Variants in DGKB observed in about 807,000 individuals in gnomAD.
DGKB encodes 90 kDa diacylglycerol kinase.
Under a neutral mutation model 114.3 loss-of-function variants are expected in DGKB, and 67 were observed. The observed-to-expected ratio is 0.59, with a 90% CI of 0.48 to 0.72. The LOEUF is 0.72. Ranked by LOEUF, DGKB falls within the 30% of genes least tolerant of loss-of-function variation. The probability of loss-of-function intolerance (pLI) is 0.00; values close to 1 mark genes in which losing one functional copy is unlikely to be tolerated. For synonymous variants in DGKB, 398 were observed against 323.1 expected, an observed-to-expected ratio of 1.23 and a Z score of -2.49; for missense variants, 907 against 975.2, an observed-to-expected ratio of 0.93 and a Z score of 0.93.
At chr7:14,640,983 A>C (rs1811665444) in intron 13 of DGKB, among the ~76,000 whole-genome samples, 1 of 152,174 alleles carries the variant, frequency 6.6e-6, no homozygotes, top group South Asian at 2.1e-4. Context: ...TATTAGCTCT[A>C]GATATATGCC....
At chr7:14,236,945 C>T (rs1191058928) in intron 23 of DGKB, among the ~76,000 whole-genome samples, 1 of 151,632 alleles carries the variant, frequency 6.6e-6, no homozygotes, top group Admixed American at 6.6e-5. Context: ...GATGTTTATC[C>T]TCCACTTAAT....
intron 4 of DGKB, among the ~76,000 whole-genome samples, chr7:14,739,343 G>T (rs902600126): frequency 1.3e-5 from 2 of 152,090 alleles, no homozygotes; most frequent in Non-Finnish European, 2.9e-5. Context: ...TCAGACTAAG[G>T]GCTCACATGT....
intron 1 of DGKB, among the ~76,000 whole-genome samples, chr7:14,881,116 A>G (rs1242673222): frequency 1.3e-5 from 2 of 152,206 alleles, no homozygotes; most frequent in Non-Finnish European, 1.5e-5. Context: ...CCATTTCCTT[A>G]CACCATTGCC....
At chr7:14,366,744 G>A (rs1370823556) in intron 21 of DGKB, among the ~76,000 whole-genome samples, 1 of 152,056 alleles carries the variant, frequency 6.6e-6, no homozygotes, top group Non-Finnish European at 1.5e-5. Context: ...TGTTTTTAAA[G>A]AAAAATTAAT....
At chr7:14,932,538 T>C (rs1229563861) in intron 1 of DGKB, among the ~76,000 whole-genome samples, 1 of 152,170 alleles carries the variant, frequency 6.6e-6, no homozygotes, top group Non-Finnish European at 1.5e-5. Context: ...AACCATAAAA[T>C]TATACTTTTA....
intron 9 of DGKB, among the ~76,000 whole-genome samples, chr7:14,693,271 T>C (rs775194225): frequency 2.0e-5 from 3 of 152,144 alleles, no homozygotes; most frequent in Non-Finnish European, 2.9e-5. Context: ...TATCTAATTA[T>C]TGCATAACTA....
intron 20 of DGKB, among the ~76,000 whole-genome samples, chr7:14,510,237 T>A (rs1019562363): frequency 3.9e-5 from 6 of 152,218 alleles, no homozygotes; most frequent in Admixed American, 2.6e-4. Context: ...CAGCATTTGA[T>A]GCTGTGTGAT....
chr7:14,397,144 A>C (rs1350330193), intron 21 of DGKB, among the ~76,000 whole-genome samples: 2 of 152,120 alleles, frequency 1.3e-5, no homozygotes, highest in Admixed American at 1.3e-4. Context: ...GGTAGACAGG[A>C]CATGATCTAA....
At chr7:14,519,167 G>C (rs1291910828) in intron 20 of DGKB, among the ~76,000 whole-genome samples, 1 of 151,912 alleles carries the variant, frequency 6.6e-6, no homozygotes, top group Non-Finnish European at 1.5e-5. Flanking sequence ...ATATTTTATA[G>C]AGTTGTGTAA....
intron 21 of DGKB, among the ~76,000 whole-genome samples, chr7:14,385,993 C>G (rs1252241911): frequency 2.0e-5 from 3 of 152,184 alleles, no homozygotes; most frequent in African/African-American, 7.2e-5. Flanking sequence ...GAAGTGAAAA[C>G]TAAGGTTTAA....
intron 23 of DGKB, among the ~76,000 whole-genome samples, chr7:14,210,086 T>C (rs1787511210): frequency 6.6e-6 from 1 of 152,068 alleles, no homozygotes; most frequent in Non-Finnish European, 1.5e-5. Context: ...GGGATTGAAC[T>C]GGCATGGCTA....
Position 14,893,586 on chromosome 7 carries a change from T to G in DGKB, c.-188+9006A>C, listed in dbSNP as rs142601106. Among the ~76,000 whole-genome samples, 9 of 151,494 alleles carry G rather than the reference T, an allele frequency of 5.9e-5. No homozygotes were observed. In the East Asian group the frequency reaches 1.7e-3, roughly 29 times the overall value. ...TATGCCACCAAATTTTTATATCTCT[T>G]TCCTAGTTCGTTGCCGTTATCTCTT... On this transcript the variant is annotated intron_variant, in intron 1 of 25. Coordinates refer to ENST00000402815, the MANE Select transcript of DGKB (RefSeq NM_001350709.2).
chr7:14,301,933 G>C (rs1465738248), intron 23 of DGKB, among the ~76,000 whole-genome samples: 1 of 152,040 alleles, frequency 6.6e-6, no homozygotes, highest in Non-Finnish European at 1.5e-5. Context: ...CTTGGGTTGG[G>C]ACCCCAAATG....
chr7:14,888,644 A>T (rs1247493305), intron 1 of DGKB, among the ~76,000 whole-genome samples: 1 of 151,762 alleles, frequency 6.6e-6, no homozygotes, highest in East Asian at 1.9e-4. Context: ...TAAAAGACTG[A>T]GCAATCTAAA....
intron 9 of DGKB, among the ~76,000 whole-genome samples, chr7:14,691,353 C>G (rs1162016200): frequency 6.6e-6 from 1 of 152,184 alleles, no homozygotes; most frequent in African/African-American, 2.4e-5. Context: ...CCTAACAAGA[C>G]AAGCTTCACA....
intron 23 of DGKB, among the ~76,000 whole-genome samples, chr7:14,211,812 T>TA (rs199517975): frequency 1.9e-3 from 14 of 7,438 alleles, no homozygotes; most frequent in Non-Finnish European, 2.7e-3. Context: ...TGTTTTGTGA[T>TA]TTTACTCTCA....
At chr7:14,254,287 C>T (rs1434172309) in intron 23 of DGKB, among the ~76,000 whole-genome samples, 6 of 152,108 alleles carry the variant, frequency 3.9e-5, no homozygotes, top group African/African-American at 1.4e-4. Context: ...CTCAATCCAA[C>T]CTCAATGAAA....
intron 21 of DGKB, among the ~76,000 whole-genome samples, chr7:14,356,751 C>T (rs190965402): frequency 2.0e-5 from 3 of 152,172 alleles, no homozygotes; most frequent in East Asian, 1.9e-4. Flanking sequence ...TATAAATTTC[C>T]GTCTACACAC....
intron 13 of DGKB, among the ~76,000 whole-genome samples, chr7:14,647,366 C>G (rs1051353574): frequency 6.6e-6 from 1 of 152,020 alleles, no homozygotes. Flanking sequence ...CAACAAGGCC[C>G]AGGACAGAGA....
Sources: allele counts gnomAD v4.1 joint callset (sites outside exome capture counted in the v4.1 genomes callset), GRCh38; gene constraint gnomAD v4.1.1; transcripts MANE v1.5; gene names NCBI Gene and HGNC (gene_info 2026-07-23, HGNC 2026-07-21).